NOX5: variants seen among roughly 807,000 people sequenced by gnomAD.
NOX5 encodes the protein NADPH oxidase 5, also known as NADPH oxidase, EF-hand calcium binding domain 5.
In NOX5, 76 loss-of-function variants were observed where a neutral mutation model predicts 85.7. That is an observed-to-expected ratio of 0.89 (90% CI 0.74 to 1.07). The LOEUF is 1.07. Among genes scored for constraint, NOX5 ranks in the 50% least tolerant of loss-of-function variants. NOX5 has a pLI of 0.00. For missense variants in NOX5, 973 were observed against 999.5 expected (o/e 0.97, Z 0.36); for synonymous variants, 405 against 401.4 (o/e 1.01, Z -0.11).
chr15:69,037,495 T>G, intron 8 of NOX5: 1 of 396,050 alleles, frequency 2.5e-6, no homozygotes, highest in Non-Finnish European at 4.6e-6. Flanking sequence ...GCCTACAGGG[T>G]GCCAGGCCCT....
At chr15:69,025,125 G>A (rs528120596) in intron 1 of NOX5, among the ~76,000 whole-genome samples, 1 of 152,202 alleles carries the variant, frequency 6.6e-6, no homozygotes, top group South Asian at 2.1e-4. Context: ...TGAGCCTCAG[G>A]GCACAATATT....
chr15:69,039,012 A>T, intron 9 of NOX5, 23 bp downstream of exon 9: 2 of 1,613,244 alleles, frequency 1.2e-6, no homozygotes, highest in Non-Finnish European at 1.7e-6. Flanking sequence ...TCCTCCAGTC[A>T]CTCTGCACAT....
rs1555438843 is a variant in NOX5, at chr15:69,059,611, GGTCCAGGTTCTGTCTGCCTC to G, written c.*2917_*2936del. The G allele has an allele frequency of 6.6e-6, 1 of 152,156 alleles. No homozygotes were observed. Among genetic ancestry groups the G allele is most frequent in the Non-Finnish European group, 1.5e-5 (1 of 68,052 alleles). The allele number at this position is 152,156 out of a possible 1,614,324, so 9.4% of individuals were successfully genotyped here. A position where few individuals can be genotyped will look rare whatever the true frequency, so the allele number is the denominator to read the frequency against. ...AGGCCTGGCTTGGGGAGAGTTCACAGGTCCAGGTTCTGTCTGCCTCGGTGGACATGTCATCGAAGGCAGCA... is the reference window on the plus strand; with the variant it reads ...AGGCCTGGCTTGGGGAGAGTTCACAGGGTGGACATGTCATCGAAGGCAGCA... On this transcript the variant is annotated 3_prime_UTR_variant, in exon 16 of 16. Transcript: ENST00000388866.
chr15:69,018,873 A>G (rs1352314628), intron 1 of NOX5, among the ~76,000 whole-genome samples: 1 of 151,890 alleles, frequency 6.6e-6, no homozygotes, highest in Non-Finnish European at 1.5e-5. Context: ...TTTATATTTT[A>G]TTATGTTATA....
intron 4 of NOX5, 49 bp downstream of exon 4, chr15:69,031,861 C>A: frequency 1.3e-6 from 2 of 1,535,092 alleles, no homozygotes; most frequent in Non-Finnish European, 1.8e-6. Flanking sequence ...GCGTTAGACT[C>A]CTGGTCGGAA....
chr15:69,037,271 G>A, intron 8 of NOX5, 61 bp downstream of exon 8: 1 of 1,508,558 alleles, frequency 6.6e-7, no homozygotes, highest in Non-Finnish European at 9.0e-7. Context: ...AGTTTGTGGG[G>A]TGGAGCAGCT....
Position 69,038,928 on chromosome 15 carries a change from C to A in NOX5, c.1443C>A (p.Ile481=). 1 of 1,614,122 alleles carries A rather than the reference C, an allele frequency of 6.2e-7. No homozygotes were observed. Among genetic ancestry groups the A allele is most frequent in the Non-Finnish European group, 8.5e-7 (1 of 1,180,022 alleles). ...YRPGDYLYLN[I]PTIARYEWHP... ...CTGGTGACTACTTGTATCTGAACATCCCCACCATTGCTCGCTATGAGTGGC... is the reference window on the plus strand; with the variant it reads ...CTGGTGACTACTTGTATCTGAACATACCCACCATTGCTCGCTATGAGTGGC... Residue 481 remains isoleucine, a synonymous_variant, in exon 9 of 16, where the codon ATC becomes ATA. Coordinates refer to ENST00000388866, the MANE Select transcript of NOX5 (RefSeq NM_024505.4).
chr15:69,042,842 G>A (rs1163988086), intron 10 of NOX5, 37 bp downstream of exon 10: 11 of 1,600,572 alleles, frequency 6.9e-6, no homozygotes, highest in Middle Eastern at 3.4e-4. Context: ...CCACTCTGCT[G>A]GCAAGTCCAC....
At chr15:69,018,329 CTT>C (rs761723675) in intron 1 of NOX5, among the ~76,000 whole-genome samples, 2 of 152,186 alleles carry the variant, frequency 1.3e-5, no homozygotes, top group Non-Finnish European at 2.9e-5. Flanking sequence ...GCAACAGACT[CTT>C]TAAGTCTGAT....
chr15:69,048,997 C>T lies in NOX5; in HGVS notation c.1938C>T (p.Phe646=), dbSNP rs373010098. 108 of 1,612,890 alleles carry T rather than the reference C, an allele frequency of 6.7e-5. No individual in the cohort carries two copies. The Middle Eastern group carries it at 8.4e-4, about 13-fold the overall frequency. The change falls in exon 14 of 16, where the codon TTC becomes TTT. Residue 646 remains phenylalanine (F), a synonymous_variant. Transcript: ENST00000388866. The part of the protein sequence containing the change: ...FIWINRDQRS[F]EWFVSLLTKL... ...GGATCAACAGAGACCAGCGGTCTTT[C>T]GAGTGGTTTGTGAGCCTGCTGACTA...
Position 69,035,924 on chromosome 15 carries a change from T to G in NOX5, c.1176T>G (p.Ser392Arg). ...FICSSSCIRR[S>R]GHFEVFYWTH... ...GCTCCAGTTCCTGCATCCGCAGGAG[T>G]GGCCACTTTGAGGTGCCCCAGTTGC... Residue 392 changes from serine to arginine, a missense_variant, in exon 7 of 16, where the codon AGT (serine) becomes AGG (arginine). Coordinates refer to ENST00000388866, the MANE Select transcript of NOX5 (RefSeq NM_024505.4). 6.2e-7 allele frequency: 1 copy of G among 1,613,988 alleles called. No individual in the cohort carries two copies. The highest frequency in any genetic ancestry group is 8.5e-7 in the Non-Finnish European group (1 of 1,179,912).
chr15:69,028,425 T>C, intron 3 of NOX5, 60 bp downstream of exon 3: 9 of 1,477,908 alleles, frequency 6.1e-6, no homozygotes, highest in Non-Finnish European at 4.5e-6. Flanking sequence ...CAGTGAGAAC[T>C]GGCCATTTCA....
intron 1 of NOX5, among the ~76,000 whole-genome samples, chr15:69,019,203 A>C (rs2050268081): frequency 6.6e-6 from 1 of 151,728 alleles, no homozygotes; most frequent in African/African-American, 2.4e-5. Context: ...GTAACGAGGT[A>C]CTCCCTCCTC....
At chr15:69,043,908 G>T (rs900645200) in intron 10 of NOX5, among the ~76,000 whole-genome samples, 2 of 152,126 alleles carry the variant, frequency 1.3e-5, no homozygotes, top group African/African-American at 2.4e-5. Context: ...ATTGGGGGCC[G>T]GGCACGGTGG....
intron 5 of NOX5, among the ~76,000 whole-genome samples, chr15:69,033,787 C>T (rs1011237488): frequency 6.6e-6 from 1 of 151,022 alleles, no homozygotes; most frequent in Admixed American, 6.6e-5. Flanking sequence ...TTTTGCCTCC[C>T]GGGTTCAAGC....
In NOX5 at chr15:69,056,549, A is replaced by G; in HGVS notation, c.2167-16A>G. ...CCTATCTTCCCTCTTCTCTTCCTCA[A>G]CCCCACTGACTCCAGGTGTTCCAGA... On this transcript the variant is annotated splice_polypyrimidine_tract_variant and intron_variant, in intron 15 of 15. Coordinates refer to ENST00000388866, the MANE Select transcript of NOX5 (RefSeq NM_024505.4). 1 of 1,611,396 alleles carries G rather than the reference A, an allele frequency of 6.2e-7. No individual in the cohort carries two copies. Among genetic ancestry groups the G allele is most frequent in the Non-Finnish European group, 8.5e-7 (1 of 1,179,646 alleles).
In NOX5 at chr15:69,056,740, G is replaced by A; in HGVS notation, c.*44G>A. 6.2e-7 allele frequency: 1 copy of A among 1,605,788 alleles called. No homozygotes were observed. Among genetic ancestry groups the A allele is most frequent in the South Asian group, 1.1e-5 (1 of 89,552 alleles). ...TGCCCCAAGTCCACACCATGGGTCT[G>A]CTTCATTGCATTAGTATAAATGCCC... On this transcript the variant is annotated 3_prime_UTR_variant, in exon 16 of 16. Transcript: ENST00000388866.
At chr15:69,039,064 C>A in intron 9 of NOX5, 75 bp downstream of exon 9, 1 of 1,522,186 alleles carries the variant, frequency 6.6e-7, no homozygotes, top group Non-Finnish European at 9.1e-7. Context: ...AGGCTGGAAA[C>A]TCGGAACACA....
At chr15:69,028,446 C>A in intron 3 of NOX5, 81 bp downstream of exon 3, 1 of 1,385,576 alleles carries the variant, frequency 7.2e-7, no homozygotes, top group South Asian at 1.5e-5. Flanking sequence ...CCTTGGCAGG[C>A]CTGGAGGTGC....
Sources: allele counts gnomAD v4.1 joint callset (sites outside exome capture counted in the v4.1 genomes callset), GRCh38; gene constraint gnomAD v4.1.1; transcripts MANE v1.5; gene names NCBI Gene and HGNC (gene_info 2026-07-23, HGNC 2026-07-21).